TRAPPC8: variants seen among roughly 807,000 people sequenced by gnomAD.
TRAPPC8 encodes the protein general sporulation gene 1 homolog.
TRAPPC8 carries 54 observed loss-of-function variants against 174.3 expected under a neutral mutation model. The ratio of observed to expected loss-of-function variants is 0.31; its 90% confidence interval spans 0.25 to 0.39. TRAPPC8 has a LOEUF of 0.39. TRAPPC8 is among the 10% of genes least tolerant of loss of function. The pLI is 1.00. For missense variants in TRAPPC8, 1,531 were observed against 1,699.1 expected (o/e 0.90, Z 1.74); for synonymous variants, 630 against 579.9 (o/e 1.09, Z -1.24).
At chr18:31,890,524 G>A (rs746434636) in intron 12 of TRAPPC8, among the ~76,000 whole-genome samples, 7 of 151,980 alleles carry the variant, frequency 4.6e-5, no homozygotes, top group Admixed American at 6.5e-5. Flanking sequence ...AAAAAACCCC[G>A]AGGCTCAGAG....
intron 12 of TRAPPC8, among the ~76,000 whole-genome samples, chr18:31,885,289 C>T (rs2035653820): frequency 6.6e-6 from 1 of 152,158 alleles, no homozygotes; most frequent in Non-Finnish European, 1.5e-5. Flanking sequence ...GAATTTGAAT[C>T]TCATCATGAA....
chr18:31,853,509 C>T (rs1164454992), intron 22 of TRAPPC8, among the ~76,000 whole-genome samples: 1 of 152,094 alleles, frequency 6.6e-6, no homozygotes, highest in East Asian at 1.9e-4. Context: ...CTCAAGTGAT[C>T]CGCCCATCTC....
rs746729352 is a variant in TRAPPC8 at position 31,942,647 on chromosome 18, C to T, written c.118G>A (p.Ala40Thr). 6 of 1,611,032 alleles carry T rather than the reference C, an allele frequency of 3.7e-6. No homozygotes were observed. The highest frequency in any genetic ancestry group is 2.2e-5 in the East Asian group (1 of 44,704). The change falls in exon 1 of 29, where the codon GCG becomes ACG. Residue 40 changes from alanine (A) to threonine (T), a missense_variant. By Grantham distance (58) the Ala-to-Thr change is moderately conservative. Transcript: ENST00000283351. ...CGGGAGAAGGGCTTAAGCAGCTCCGCGAAGCTGAGGTGATTGAGACGAGTG... is the reference window on the plus strand; with the variant it reads ...CGGGAGAAGGGCTTAAGCAGCTCCGTGAAGCTGAGGTGATTGAGACGAGTG... The part of the protein sequence containing the change: ...RLTRLNHLSF[A>T]ELLKPFSRLT...
intron 14 of TRAPPC8, 64 bp from the exon 15 acceptor site, chr18:31,871,184 T>A (rs1259655255): frequency 2.0e-6 from 2 of 978,634 alleles, no homozygotes; most frequent in South Asian, 2.1e-5. Flanking sequence ...ATATTTTAAA[T>A]AGACATAAGG....
Position 31,890,741 on chromosome 18 carries a change from T to G in TRAPPC8, c.1722A>C (p.Ala574=). Residue 574 remains alanine (A), a synonymous_variant, in exon 12 of 29, where the codon GCA becomes GCC. Coordinates refer to ENST00000283351, the MANE Select transcript of TRAPPC8 (RefSeq NM_014939.5). ...GTAAAGCAAATGCACTCACCTGCCC[T>G]GCTTTACTAAATCGATGGCCTGCCA... ...MILAGHRFSK[A]GQKKHALRCY... is the part of the protein sequence containing the mutation. The G allele has an allele frequency of 1.9e-6, 3 of 1,610,654 alleles. No individual in the cohort carries two copies. Among genetic ancestry groups the G allele is most frequent in the Non-Finnish European group, 2.5e-6 (3 of 1,178,282 alleles).
intron 27 of TRAPPC8, among the ~76,000 whole-genome samples, chr18:31,834,138 T>C (rs538641113): frequency 6.6e-6 from 1 of 152,110 alleles, no homozygotes; most frequent in Non-Finnish European, 1.5e-5. Context: ...AGATGGAGTT[T>C]TGCTCTTTTT....
At chr18:31,831,797 A>G (rs1162248361) in intron 28 of TRAPPC8, among the ~76,000 whole-genome samples, 1 of 152,170 alleles carries the variant, frequency 6.6e-6, no homozygotes, top group Non-Finnish European at 1.5e-5. Context: ...TTTTTCCAAA[A>G]ATTCAAAAAT....
chr18:31,939,050 C>T (rs1279477128), intron 1 of TRAPPC8, among the ~76,000 whole-genome samples: 1 of 139,080 alleles, frequency 7.2e-6, no homozygotes, highest in African/African-American at 2.6e-5. Context: ...CGCCGCTGCA[C>T]TCCAGCCTGG....
intron 2 of TRAPPC8, chr18:31,926,466 G>A (rs2037619484): frequency 9.2e-6 from 1 of 108,116 alleles, no homozygotes; most frequent in Admixed American, 8.4e-5. Context: ...AAGATGTTTT[G>A]TTTTGGTTTT....
At chr18:31,929,971 G>T (rs1029146362) in intron 2 of TRAPPC8, among the ~76,000 whole-genome samples, 1 of 151,748 alleles carries the variant, frequency 6.6e-6, no homozygotes, top group Non-Finnish European at 1.5e-5. Flanking sequence ...CATCTTGCTG[G>T]AATTAAAACT....
At chr18:31,878,366 CA>C (rs1419970286) in intron 12 of TRAPPC8, among the ~76,000 whole-genome samples, 1 of 151,728 alleles carries the variant, frequency 6.6e-6, no homozygotes, top group Non-Finnish European at 1.5e-5. Context: ...AAAACAAAAA[CA>C]AAAAAACTAC....
chr18:31,942,514 A>G (rs1279325310), intron 1 of TRAPPC8, 94 bp downstream of exon 1: 1 of 1,389,546 alleles, frequency 7.2e-7, no homozygotes, highest in Non-Finnish European at 9.4e-7. Context: ...TCCAGGACGT[A>G]AACACTGCCC....
intron 12 of TRAPPC8, among the ~76,000 whole-genome samples, chr18:31,880,095 ATAT>A (rs1270152724): frequency 2.9e-5 from 2 of 68,716 alleles, no homozygotes; most frequent in African/African-American, 1.4e-4. Flanking sequence ...AAAAAAATAT[ATAT>A]ATATATATAT....
At chr18:31,916,169 A>T in intron 4 of TRAPPC8, 103 bp downstream of exon 4, 2 of 851,358 alleles carry the variant, frequency 2.3e-6, no homozygotes, top group Non-Finnish European at 3.3e-6. Flanking sequence ...TTAAACTTTT[A>T]CATTCTTGTA....
At position 31,852,516 on chromosome 18, in the gene TRAPPC8, G is replaced by A. The variant is rs1324913490; in HGVS notation, c.3503-12C>T. ...GGACTGTGTGGCCGCTAAAAAACAG[G>A]GGAAAACAAACTAATCATATCATTG... On this transcript the variant is annotated splice_polypyrimidine_tract_variant and intron_variant, in intron 23 of 28. Coordinates refer to ENST00000283351, the MANE Select transcript of TRAPPC8 (RefSeq NM_014939.5). 1 of 1,614,068 alleles carries A rather than the reference G, an allele frequency of 6.2e-7. No homozygotes were observed. Among genetic ancestry groups the A allele is most frequent in the Admixed American group, 1.7e-5 (1 of 59,998 alleles).
At chr18:31,861,884 C>G (rs1411946754) in intron 19 of TRAPPC8, among the ~76,000 whole-genome samples, 3 of 125,614 alleles carry the variant, frequency 2.4e-5, no homozygotes, top group Non-Finnish European at 4.6e-5. Flanking sequence ...AGAGATCATA[C>G]CAAGCACTTC....
intron 12 of TRAPPC8, among the ~76,000 whole-genome samples, chr18:31,889,515 T>A (rs866206924): frequency 6.6e-6 from 1 of 152,230 alleles, no homozygotes; most frequent in African/African-American, 2.4e-5. Flanking sequence ...ATTTTGTCAT[T>A]TTTTGAACAG....
intron 21 of TRAPPC8, among the ~76,000 whole-genome samples, chr18:31,854,653 G>T (rs1274378098): frequency 6.6e-6 from 1 of 152,030 alleles, no homozygotes; most frequent in Non-Finnish European, 1.5e-5. Context: ...AAACATGAGA[G>T]ATCACACTCT....
chr18:31,909,023 A>C lies in TRAPPC8; in HGVS notation c.866-13T>G. On this transcript the variant is annotated splice_polypyrimidine_tract_variant and intron_variant, in intron 6 of 28. Transcript: ENST00000283351. ...TTTGGTAAGCCATCTACTGAAAAAG[A>C]GATTATTTCTTTTACTCTCAGAATG... 6.3e-7 allele frequency: 1 copy of C among 1,588,860 alleles called. No individual in the cohort carries two copies. The highest frequency in any genetic ancestry group is 8.6e-7 in the Non-Finnish European group (1 of 1,166,302).
Sources: gnomAD v4.1 joint callset for allele counts (sites outside exome capture counted in the v4.1 genomes callset) on GRCh38, gnomAD v4.1.1 for gene constraint, MANE v1.5 for transcripts, NCBI Gene and HGNC (gene_info 2026-07-23, HGNC 2026-07-21) for gene names.